EIF1AX: variants seen among roughly 807,000 people sequenced by gnomAD.
EIF1AX encodes the protein eukaryotic translation initiation factor 1A X-linked.
Under a neutral mutation model 16.1 loss-of-function variants are expected in EIF1AX, and 1 was observed. The observed-to-expected ratio is 0.06, with a 90% CI of 0.02 to 0.30. EIF1AX has a LOEUF of 0.30. Among genes scored for constraint, EIF1AX ranks in the 10% least tolerant of loss-of-function variants. The pLI, the probability that EIF1AX is intolerant of heterozygous loss-of-function variation, is 1.00. For synonymous variants in EIF1AX, 32 were observed against 37.3 expected (o/e 0.86, Z 0.51); for missense variants, 11 against 109.1 (o/e 0.10, Z 4.00).
intron 1 of EIF1AX, chrX:20,140,113 T>C (rs934868915): frequency 8.9e-6 from 1 of 112,224 alleles, no homozygotes; most frequent in Admixed American, 9.4e-5. Context: ...TTTGGAGAAA[T>C]TCCCAGAGAG....
chrX:20,130,411 C>T, intron 6 of EIF1AX, 105 bp downstream of exon 6: 1 of 757,309 alleles, frequency 1.3e-6, no homozygotes, highest in Non-Finnish European at 1.7e-6. Flanking sequence ...AAAATACAAC[C>T]TTATTTAAGT....
intron 2 of EIF1AX, among the ~76,000 whole-genome samples, chrX:20,137,157 A>G (rs2067019503): frequency 8.9e-6 from 1 of 112,066 alleles, no homozygotes; most frequent in South Asian, 3.7e-4. Flanking sequence ...GAAATCCTAC[A>G]TATGGGGCTA....
At chrX:20,137,263 G>GT (rs755708590) in intron 2 of EIF1AX, among the ~76,000 whole-genome samples, 4 of 110,502 alleles carry the variant, frequency 3.6e-5, no homozygotes, top group Non-Finnish European at 5.7e-5. Flanking sequence ...GGCTAACACA[G>GT]TGAAACCCCG....
In EIF1AX at chrX:20,125,275, T is replaced by C; in HGVS notation, c.*3031A>G. 1 of 168,349 alleles carries C rather than the reference T, an allele frequency of 5.9e-6. No homozygotes were observed. Among genetic ancestry groups the C allele is most frequent in the East Asian group, 8.7e-5 (1 of 11,538 alleles). 13.9% of individuals were successfully genotyped at this position (168,349 alleles called of 1,213,427 possible). On this transcript the variant is annotated 3_prime_UTR_variant, in exon 7 of 7. Coordinates refer to ENST00000379607, the MANE Select transcript of EIF1AX (RefSeq NM_001412.4). ...GGGAATAAGAGAGGACAAAGTCCAATACATTCTCCAAATTGCTCAGTTCAT... is the reference window on the plus strand; with the variant it reads ...GGGAATAAGAGAGGACAAAGTCCAACACATTCTCCAAATTGCTCAGTTCAT...
Position 20,130,302 on chromosome X carries a change from C to CAA in EIF1AX, c.429+212_429+213dup, listed in dbSNP as rs773734086. ...TGGGTGACAGAACAAAACTCCATCA[C>CAA]AAAAAAAAAAAAAAAAAAAAAAAAA... is the stretch of plus-strand genomic sequence containing the variant. On this transcript the variant is annotated intron_variant, in intron 6 of 6. Coordinates refer to ENST00000379607, the MANE Select transcript of EIF1AX (RefSeq NM_001412.4). 1.1e-3 allele frequency among the ~76,000 whole-genome samples: 32 copies of CAA among 28,476 alleles called. 1 individual carries two copies. Among genetic ancestry groups the CAA allele is most frequent in the East Asian group, 2.6e-3 (2 of 768 alleles). The allele number at this position is 28,476 out of a possible 115,157, so 24.7% of individuals were successfully genotyped here.
At chrX:20,137,432 C>A (rs999943282) in intron 2 of EIF1AX, among the ~76,000 whole-genome samples, 2 of 109,488 alleles carry the variant, frequency 1.8e-5, no homozygotes, top group African/African-American at 6.8e-5. Context: ...GGCGACAGAG[C>A]GAGACTCCAT....
Position 20,125,005 on chromosome X carries a change from C to T in EIF1AX, c.*3301G>A, listed in dbSNP as rs2066980687. 1 of 145,440 alleles carries T rather than the reference C, an allele frequency of 6.9e-6. No individual in the cohort carries two copies. The highest frequency in any genetic ancestry group is 1.1e-4 in the East Asian group (1 of 9,212). The allele number at this position is 145,440 out of a possible 1,213,427, so 12.0% of individuals were successfully genotyped here. A position where few individuals can be genotyped will look rare whatever the true frequency, so the allele number is the denominator to read the frequency against. On this transcript the variant is annotated 3_prime_UTR_variant, in exon 7 of 7. Transcript: ENST00000379607. ...AGCAGACACTGATCTAAGTACATTA[C>T]ATGTATAAACATCTAAATTATCAAT... is the stretch of plus-strand genomic sequence containing the variant.
At chrX:20,140,519 C>T (rs1395090345) in intron 1 of EIF1AX, 5 of 112,187 alleles carry the variant, frequency 4.5e-5, no homozygotes, top group African/African-American at 1.6e-4. Context: ...ACTGCACCAA[C>T]TTGTGCACAG....
intron 3 of EIF1AX, among the ~76,000 whole-genome samples, chrX:20,134,611 G>A (rs2067010575): frequency 9.3e-6 from 1 of 108,019 alleles, no homozygotes; most frequent in African/African-American, 3.4e-5. Flanking sequence ...GGTGGCGCAT[G>A]CCTATAATCC....
In EIF1AX at chrX:20,125,234, T is replaced by C; in HGVS notation, c.*3072A>G. The C allele has an allele frequency of 6.1e-6, 1 of 164,024 alleles. No individual in the cohort carries two copies. The allele number at this position is 164,024 out of a possible 1,213,427, so 13.5% of individuals were successfully genotyped here. A position where few individuals can be genotyped will look rare whatever the true frequency, so the allele number is the denominator to read the frequency against. On this transcript the variant is annotated 3_prime_UTR_variant, in exon 7 of 7. Transcript: ENST00000379607. ...ACTGCCTCACAAGTACCTAGCAACT[T>C]GCAGGGCTAGGAGGGGGGAATAAGA...
rs1363278384 is a variant in EIF1AX, at chrX:20,124,786, CTG to C, written c.*3518_*3519del. 6.9e-6 allele frequency: 1 copy of C among 143,947 alleles called. No homozygotes were observed. The highest frequency in any genetic ancestry group is 1.4e-5 in the Non-Finnish European group (1 of 72,320). The allele number at this position is 143,947 out of a possible 1,213,427, so 11.9% of individuals were successfully genotyped here. A position where few individuals can be genotyped will look rare whatever the true frequency, so the allele number is the denominator to read the frequency against. On this transcript the variant is annotated 3_prime_UTR_variant, in exon 7 of 7. Transcript: ENST00000379607. ...TCTTCAAGCAAATGAGAGACTTCAT[CTG>C]TTAGTCTTATGCCAAATTAAATGAG...
intron 3 of EIF1AX, among the ~76,000 whole-genome samples, chrX:20,135,177 T>C (rs1011393034): frequency 9.5e-6 from 1 of 105,796 alleles, no homozygotes; most frequent in Non-Finnish European, 1.9e-5. Context: ...CTGGGTACAG[T>C]GGCTCATGCC....
chrX:20,125,439 G>C lies in EIF1AX; in HGVS notation c.*2867C>G, dbSNP rs1204687951. On this transcript the variant is annotated 3_prime_UTR_variant, in exon 7 of 7. Coordinates refer to ENST00000379607, the MANE Select transcript of EIF1AX (RefSeq NM_001412.4). ...GTGCAAAAGTTCATGGGAGTCCAAA[G>C]AGTATAAATAAAACTTACCCTTACG... 5.9e-6 allele frequency: 1 copy of C among 170,425 alleles called. No homozygotes were observed. Among genetic ancestry groups the C allele is most frequent in the Non-Finnish European group, 1.1e-5 (1 of 89,040 alleles). The allele number at this position is 170,425 out of a possible 1,213,427, so 14.0% of individuals were successfully genotyped here.
At chrX:20,129,538 C>T (rs2066994855) in intron 6 of EIF1AX, among the ~76,000 whole-genome samples, 1 of 112,547 alleles carries the variant, frequency 8.9e-6, no homozygotes, top group Non-Finnish European at 1.9e-5. Context: ...TAAATTTATA[C>T]TGCCAAAAGA....
Position 20,125,081 on chromosome X carries a change from G to A in EIF1AX, c.*3225C>T, listed in dbSNP as rs749003764. On this transcript the variant is annotated 3_prime_UTR_variant, in exon 7 of 7. Coordinates refer to ENST00000379607, the MANE Select transcript of EIF1AX (RefSeq NM_001412.4). ...TACTGTTTTCATCATCCCCATCTTA[G>A]AGGTGAAGAACCTGAAGCTGAGACA... 12 of 144,766 alleles carry A rather than the reference G, an allele frequency of 8.3e-5. No individual in the cohort carries two copies. The East Asian group carries it at 1.1e-3, about 13-fold the overall frequency. The allele number at this position is 144,766 out of a possible 1,213,427, so 11.9% of individuals were successfully genotyped here. A position where few individuals can be genotyped will look rare whatever the true frequency, so the allele number is the denominator to read the frequency against.
intron 6 of EIF1AX, among the ~76,000 whole-genome samples, chrX:20,130,302 C>CAAAAAAAAAAAA (rs773734086): frequency 7.0e-5 from 2 of 28,481 alleles, no homozygotes; most frequent in Non-Finnish European, 1.4e-4. Flanking sequence ...AACTCCATCA[C>CAAAAAAAAAAAA]AAAAAAAAAA....
rs2066989933 is a variant in EIF1AX, at chrX:20,127,834, TA to T, written c.*471del. ...GCTACTTAAATATGACAAACAGACTTATTTTTTTTCTTCAACTGCAGACTTC... is the reference window on the plus strand; with the variant it reads ...GCTACTTAAATATGACAAACAGACTTTTTTTTTTCTTCAACTGCAGACTTC... On this transcript the variant is annotated 3_prime_UTR_variant, in exon 7 of 7. Transcript: ENST00000379607. 6.9e-6 allele frequency: 1 copy of T among 145,039 alleles called. No individual in the cohort carries two copies. Among genetic ancestry groups the T allele is most frequent in the East Asian group, 9.0e-5 (1 of 11,065 alleles). The allele number at this position is 145,039 out of a possible 1,213,427, so 12.0% of individuals were successfully genotyped here.
At chrX:20,139,738 C>T (rs2067028272) in intron 1 of EIF1AX, among the ~76,000 whole-genome samples, 1 of 111,451 alleles carries the variant, frequency 9.0e-6, no homozygotes, top group African/African-American at 3.3e-5. Flanking sequence ...AGTAAGATAA[C>T]TAAGAACTGA....
Position 20,134,014 on chromosome X carries a change from A to C in EIF1AX, c.205-7T>G, listed in dbSNP as rs759546126. 8.4e-7 allele frequency: 1 copy of C among 1,194,681 alleles called. No individual in the cohort carries two copies. The highest frequency in any genetic ancestry group is 1.7e-5 in the African/African-American group (1 of 57,234). On this transcript the variant is annotated splice_region_variant and splice_polypyrimidine_tract_variant and intron_variant, in intron 3 of 6. Transcript: ENST00000379607. ...CCGAGGTATTTATCCAAACCTACAA[A>C]AGAAAAGTCACTGCCCGTCACATTT...
Sources: allele counts gnomAD v4.1 joint callset (sites outside exome capture counted in the v4.1 genomes callset), GRCh38; gene constraint gnomAD v4.1.1; transcripts MANE v1.5; gene names NCBI Gene and HGNC (gene_info 2026-07-23, HGNC 2026-07-21).